The following ATRNL1 variants were observed in gnomAD, a reference collection of about 807,000 sequenced individuals.
The protein encoded by ATRNL1 is attractin-like protein 1.
Under a neutral mutation model 182.7 loss-of-function variants are expected in ATRNL1, and 95 were observed. The ratio of observed to expected loss-of-function variants is 0.52; its 90% CI spans 0.44 to 0.62. The LOEUF (loss-of-function observed/expected upper bound fraction) is 0.62. Ranked by LOEUF, ATRNL1 falls within the 20% of genes least tolerant of loss-of-function variation. The pLI is 0.00. For missense variants in ATRNL1, 1,471 were observed against 1,679.5 expected (o/e 0.88, Z 2.17); for synonymous variants, 576 against 568.3 (o/e 1.01, Z -0.19).
chr10:115,145,924 C>G (rs2143854418), intron 5 of ATRNL1, among the ~76,000 whole-genome samples: 1 of 152,216 alleles, frequency 6.6e-6, no homozygotes, highest in Admixed American at 6.5e-5. Flanking sequence ...GAAAAACTCT[C>G]TGAATTTCTA....
chr10:115,306,873 T>A (rs1853761584), intron 17 of ATRNL1, among the ~76,000 whole-genome samples: 1 of 152,164 alleles, frequency 6.6e-6, no homozygotes. Flanking sequence ...TGTAACTGAT[T>A]TTTTTTGAGA....
At chr10:115,160,290 T>C in intron 6 of ATRNL1, 76 bp downstream of exon 6, 1 of 1,378,016 alleles carries the variant, frequency 7.3e-7, no homozygotes, top group South Asian at 1.4e-5. Context: ...TTTTAATTGT[T>C]GTCCGAGAGT....
At chr10:115,931,547 T>C (rs1953394464) in intron 28 of ATRNL1, among the ~76,000 whole-genome samples, 1 of 152,194 alleles carries the variant, frequency 6.6e-6, no homozygotes, top group Non-Finnish European at 1.5e-5. Context: ...CAGAGCCTAC[T>C]GCTCAGAAGA....
At chr10:115,341,835 C>G (rs1221555439) in intron 19 of ATRNL1, among the ~76,000 whole-genome samples, 1 of 151,932 alleles carries the variant, frequency 6.6e-6, no homozygotes, top group Non-Finnish European at 1.5e-5. Flanking sequence ...TATAGCTACT[C>G]CTATTCTTTT....
intron 25 of ATRNL1, among the ~76,000 whole-genome samples, chr10:115,537,412 T>A (rs1554990837): frequency 1.3e-5 from 2 of 152,324 alleles, no homozygotes; most frequent in East Asian, 3.9e-4. Flanking sequence ...CAGTTATAGG[T>A]ATCACTATTT....
intron 1 of ATRNL1, among the ~76,000 whole-genome samples, chr10:115,097,047 T>C (rs904555604): frequency 6.6e-5 from 10 of 152,274 alleles, no homozygotes; most frequent in African/African-American, 2.2e-4. Context: ...AGGGAGCCCT[T>C]GAGAATTAAT....
At chr10:115,554,700 A>T (rs1175893325) in intron 26 of ATRNL1, among the ~76,000 whole-genome samples, 2 of 151,644 alleles carry the variant, frequency 1.3e-5, no homozygotes, top group Non-Finnish European at 3.0e-5. Flanking sequence ...AGGGAGATAG[A>T]ATATATCGAA....
chr10:115,506,100 A>T (rs1353612380), intron 24 of ATRNL1, among the ~76,000 whole-genome samples: 1 of 151,906 alleles, frequency 6.6e-6, no homozygotes, highest in African/African-American at 2.4e-5. Context: ...TAAAAAAAAA[A>T]TTCATTTCTT....
chr10:115,750,119 G>T (rs1364852855), intron 27 of ATRNL1, among the ~76,000 whole-genome samples: 3 of 151,826 alleles, frequency 2.0e-5, no homozygotes, highest in East Asian at 3.9e-4. Context: ...AAATAAAAGG[G>T]AATTAAGATA....
chr10:115,289,886 G>C (rs1554920280), intron 15 of ATRNL1, among the ~76,000 whole-genome samples: 1 of 152,036 alleles, frequency 6.6e-6, no homozygotes, highest in Non-Finnish European at 1.5e-5. Flanking sequence ...GTTCCATACA[G>C]GTTTTAGGAT....
At chr10:115,861,438 T>C (rs935706156) in intron 28 of ATRNL1, among the ~76,000 whole-genome samples, 1 of 152,208 alleles carries the variant, frequency 6.6e-6, no homozygotes, top group Non-Finnish European at 1.5e-5. Context: ...AGTCCAACTC[T>C]TAAGCTAGCT....
chr10:115,645,175 A>G (rs1219255466), intron 26 of ATRNL1, among the ~76,000 whole-genome samples: 1 of 152,010 alleles, frequency 6.6e-6, no homozygotes, highest in Non-Finnish European at 1.5e-5. Flanking sequence ...GTGTTCAACA[A>G]TAGAAGGGTA....
intron 7 of ATRNL1, among the ~76,000 whole-genome samples, chr10:115,167,277 G>T (rs1847090103): frequency 6.6e-6 from 1 of 151,740 alleles, no homozygotes; most frequent in South Asian, 2.1e-4. Context: ...CTTTATGCTA[G>T]TACCGTACTA....
In ATRNL1 at chr10:115,547,263, A is replaced by AATAT. The variant is rs386362067; in HGVS notation, c.3717-2179_3717-2176dup. On this transcript the variant is annotated intron_variant, in intron 25 of 28. Transcript: ENST00000355044. ...GAGTGAGACTCCATCTCAAAAAAAA[A>AATAT]ATATATATATATATATATAAATATA... 2.1e-4 allele frequency among the ~76,000 whole-genome samples: 29 copies of AATAT among 136,822 alleles called. 2 individuals carry two copies. The East Asian group carries it at 3.3e-3, about 16-fold the overall frequency. 89.8% of individuals were successfully genotyped at this position (136,822 alleles called of 152,430 possible).
chr10:115,689,529 G>A (rs1466304460), intron 26 of ATRNL1, among the ~76,000 whole-genome samples: 7 of 152,072 alleles, frequency 4.6e-5, no homozygotes. Flanking sequence ...TGCCCATATT[G>A]GCAGCAGTGG....
At chr10:115,096,262 A>C (rs1451095574) in intron 1 of ATRNL1, among the ~76,000 whole-genome samples, 1 of 152,160 alleles carries the variant, frequency 6.6e-6, no homozygotes, top group Non-Finnish European at 1.5e-5. Context: ...CAAGCTATTA[A>C]TTAGAGTAAA....
chr10:115,094,779 A>G (rs575242573), intron 1 of ATRNL1, among the ~76,000 whole-genome samples: 1 of 152,338 alleles, frequency 6.6e-6, no homozygotes, highest in East Asian at 1.9e-4. Context: ...TTCTGGAGCC[A>G]GTACACACTC....
chr10:115,201,176 A>C (rs1395003656), intron 8 of ATRNL1, among the ~76,000 whole-genome samples: 2 of 145,906 alleles, frequency 1.4e-5, no homozygotes, highest in Non-Finnish European at 3.0e-5. Context: ...CCCATTTTAT[A>C]GGTTGCCTGT....
chr10:115,643,410 C>G (rs1384910637), intron 26 of ATRNL1, among the ~76,000 whole-genome samples: 6 of 151,978 alleles, frequency 3.9e-5, no homozygotes, highest in African/African-American at 1.4e-4. Context: ...TCTTTGTGAC[C>G]TGGACCAGGA....
Sources: gnomAD v4.1 joint callset for allele counts (sites outside exome capture counted in the v4.1 genomes callset) on GRCh38, gnomAD v4.1.1 for gene constraint, MANE v1.5 for transcripts, NCBI Gene and HGNC (gene_info 2026-07-23, HGNC 2026-07-21) for gene names.